MCOLN1: variants seen among roughly 807,000 people sequenced by gnomAD.
MCOLN1 encodes the protein mucolipin-1.
A neutral mutation model predicts 70.3 loss-of-function variants in MCOLN1; 50 were observed. The ratio of observed to expected loss-of-function variants is 0.71; its 90% CI spans 0.57 to 0.90. MCOLN1 has a LOEUF of 0.90. Ranked by LOEUF, MCOLN1 falls within the 40% of genes least tolerant of loss-of-function variation. The pLI, the probability that MCOLN1 is intolerant of heterozygous loss-of-function variation, is 0.00. For synonymous variants in MCOLN1, 366 were observed against 341.0 expected (o/e 1.07, Z -0.81); for missense variants, 598 against 803.5 (o/e 0.74, Z 3.09).
chr19:7,529,155 G>C lies in MCOLN1; in HGVS notation c.1189G>C (p.Val397Leu). The change falls in exon 10 of 14, where the codon GTG (valine) becomes CTG (leucine). Residue 397 changes from valine (V) to leucine (L), a missense_variant. Transcript: ENST00000264079. ...CCTCCTGGGCACCTCGACGCTGCTG[G>C]TGTGGGTGGGCGTGATCCGCTACCT... ...SILLGTSTLL[V>L]WVGVIRYLTF... 6.2e-7 allele frequency: 1 copy of C among 1,613,822 alleles called. No homozygotes were observed. The highest frequency in any genetic ancestry group is 8.5e-7 in the Non-Finnish European group (1 of 1,180,020).
chr19:7,522,625 C>T lies in MCOLN1; in HGVS notation c.-126C>T. 1 of 1,007,848 alleles carries T rather than the reference C, an allele frequency of 9.9e-7. No homozygotes were observed. Among genetic ancestry groups the T allele is most frequent in the Non-Finnish European group, 1.4e-6 (1 of 733,348 alleles). 62.4% of individuals were successfully genotyped at this position (1,007,848 alleles called of 1,614,324 possible). A position where few individuals can be genotyped will look rare whatever the true frequency, so the allele number is the denominator to read the frequency against. On this transcript the variant is annotated 5_prime_UTR_variant, in exon 1 of 14. Coordinates refer to ENST00000264079, the MANE Select transcript of MCOLN1 (RefSeq NM_020533.3). ...GCTACCGGGTCACGTGACCGAGGCA[C>T]AGATCAGCTGATGCCGGAGGGTTTG...
intron 11 of MCOLN1, among the ~76,000 whole-genome samples, 180 bp downstream of exon 11, chr19:7,529,892 G>A (rs567732195): frequency 1.3e-4 from 20 of 152,222 alleles, no homozygotes; most frequent in Admixed American, 7.9e-4. Context: ...ACCCTATTTC[G>A]ACCTGAATTA....
intron 10 of MCOLN1, 109 bp downstream of exon 10, chr19:7,529,311 C>G: frequency 3.8e-6 from 4 of 1,044,034 alleles, no homozygotes; most frequent in Non-Finnish European, 5.8e-6. Context: ...CCCTTGCAAG[C>G]CTCCTCCTCC....
intron 12 of MCOLN1, 147 bp from the exon 13 acceptor site, chr19:7,533,376 G>C: frequency 9.5e-7 from 1 of 1,056,534 alleles, no homozygotes. Flanking sequence ...CAAGCAAACT[G>C]TGGAACAACG....
Position 7,524,084 on chromosome 19 carries a change from G to C in MCOLN1, c.32-877G>C, listed in dbSNP as rs935933044. On this transcript the variant is annotated intron_variant, in intron 1 of 13. Transcript: ENST00000264079. The surrounding 1 kb of genome is among the most constrained non-coding windows in gnomAD (Gnocchi z 4.1). ...AGGTCTCGCTGTATTACCTAGGCTGGATCCTCCCACCTTGGCCTCCCAAAG... is the reference window on the plus strand; with the variant it reads ...AGGTCTCGCTGTATTACCTAGGCTGCATCCTCCCACCTTGGCCTCCCAAAG... 6.6e-6 allele frequency among the ~76,000 whole-genome samples: 1 copy of C among 151,984 alleles called. No homozygotes were observed. The highest frequency in any genetic ancestry group is 2.4e-5 in the African/African-American group (1 of 41,378).
intron 1 of MCOLN1, among the ~76,000 whole-genome samples, chr19:7,523,146 C>T (rs773189760): frequency 4.6e-5 from 7 of 152,234 alleles, no homozygotes; most frequent in Non-Finnish European, 8.8e-5. Flanking sequence ...GCACGTGAGA[C>T]TCCCAGGCTT....
Position 7,525,385 on chromosome 19 carries a change from T to G in MCOLN1, c.237+219T>G. On this transcript the variant is annotated intron_variant, in intron 2 of 13. Transcript: ENST00000264079. This position sits in a 1 kb window ranked among gnomAD's most constrained non-coding sequence, Gnocchi z 4.2. ...GGCGGGTGCCTGTAATCCCAGCTAC[T>G]TGGCAGGCTGAGGCAGGAGAATCGC... 1.9e-6 allele frequency: 1 copy of G among 513,302 alleles called. No homozygotes were observed. Among genetic ancestry groups the G allele is most frequent in the East Asian group, 3.9e-5 (1 of 25,884 alleles). 31.8% of individuals were successfully genotyped at this position (513,302 alleles called of 1,614,324 possible).
intron 10 of MCOLN1, 85 bp from the exon 11 acceptor site, chr19:7,529,505 C>CCCCCCCCCCCCCCCCCCCCA: frequency 1.3e-6 from 1 of 755,742 alleles, no homozygotes; most frequent in Non-Finnish European, 2.3e-6. Flanking sequence ...GGCAAGGCCC[C>CCCCCCCCCCCCCCCCCCCCA]GCCCCTCCCA....
rs2022719032 is a variant in MCOLN1, at chr19:7,533,976, A to G, written c.*181A>G. On this transcript the variant is annotated 3_prime_UTR_variant, in exon 14 of 14. Transcript: ENST00000264079. ...AGACTGGGTGGGGAGGGTGTTGAAT[A>G]AAAGGGAAAATAAATGTGTCGTTTT... The G allele has an allele frequency of 1.4e-6, 1 of 695,450 alleles. No homozygotes were observed. The highest frequency in any genetic ancestry group is 2.7e-5 in the East Asian group (1 of 37,002). The allele number at this position is 695,450 out of a possible 1,614,324, so 43.1% of individuals were successfully genotyped here. A position where few individuals can be genotyped will look rare whatever the true frequency, so the allele number is the denominator to read the frequency against.
In MCOLN1 at chr19:7,526,989, C is replaced by G. The variant is rs144203814; in HGVS notation, c.571+63C>G. On this transcript the variant is annotated intron_variant, in intron 4 of 13. Transcript: ENST00000264079. This position sits in a 1 kb window ranked among gnomAD's most constrained non-coding sequence, Gnocchi z 4.6. ...GAGCTGCTGGGATTAAAATCAACAGCTGTGGCTGGGCACGGTGGCTCACGC... is the reference window on the plus strand; with the variant it reads ...GAGCTGCTGGGATTAAAATCAACAGGTGTGGCTGGGCACGGTGGCTCACGC... 2.7e-5 allele frequency: 44 copies of G among 1,605,224 alleles called. No individual in the cohort carries two copies. Among genetic ancestry groups the G allele is most frequent in the Admixed American group, 5.0e-5 (3 of 60,006 alleles).
chr19:7,532,609 G>A (rs1381451412), intron 12 of MCOLN1, among the ~76,000 whole-genome samples: 2 of 152,210 alleles, frequency 1.3e-5, no homozygotes, highest in Non-Finnish European at 2.9e-5. Context: ...CAGCTACTCC[G>A]GAGGCTGAGG....
rs2022605732 is a variant in MCOLN1, at chr19:7,528,534, C to G, written c.878-63C>G. The stretch of plus-strand genomic sequence containing the variant: ...CCTAGGTCTCCAGCCTGGCCTGGCA[C>G]CAATGCTAGCCTCCCAAGGCTCCAT... On this transcript the variant is annotated intron_variant, in intron 7 of 13. Coordinates refer to ENST00000264079, the MANE Select transcript of MCOLN1 (RefSeq NM_020533.3). This position sits in a 1 kb window ranked among gnomAD's most constrained non-coding sequence, Gnocchi z 4.2. 1.9e-6 allele frequency: 3 copies of G among 1,606,328 alleles called. No homozygotes were observed. The highest frequency in any genetic ancestry group is 2.7e-5 in the African/African-American group (2 of 74,858).
rs1386018876 is a variant in MCOLN1, at chr19:7,526,798, C to G, written c.443C>G (p.Ala148Gly). The G allele has an allele frequency of 6.2e-7, 1 of 1,614,136 alleles. No individual in the cohort carries two copies. The highest frequency in any genetic ancestry group is 2.2e-5 in the East Asian group (1 of 44,872). The change falls in exon 4 of 14, where the codon GCG becomes GGG. Residue 148 changes from alanine to glycine, a missense_variant. By Grantham distance (60) the Ala-to-Gly change is moderately conservative. This residue lies in a region of MCOLN1 where 461 missense variants were observed against 588.4 expected (regional missense o/e 0.78). Transcript: ENST00000264079. This position sits in a 1 kb window ranked among gnomAD's most constrained non-coding sequence, Gnocchi z 4.6. ...CCTGACGTGTCACTGGGCCGGTATG[C>G]GTATGTCCGTGGTGGGGGTGACCCT... Reference protein sequence around the residue: ...ALPDVSLGRYAYVRGGGDPWT... With the variant: ...ALPDVSLGRYGYVRGGGDPWT...
chr19:7,533,557 T>C lies in MCOLN1; in HGVS notation c.1610T>C (p.Leu537Pro). The C allele has an allele frequency of 6.2e-7, 1 of 1,612,062 alleles. No homozygotes were observed. The highest frequency in any genetic ancestry group is 8.5e-7 in the Non-Finnish European group (1 of 1,179,934). ...PGGAGAEESE[L>P]QAYIAQCQDS... ...GGCGCAGGCGCAGAGGAGAGCGAGCTGCAGGCCTACATCGCACAGTGCCAG... is the reference window on the plus strand; with the variant it reads ...GGCGCAGGCGCAGAGGAGAGCGAGCCGCAGGCCTACATCGCACAGTGCCAG... Residue 537 changes from leucine to proline, a missense_variant, in exon 13 of 14, where the codon CTG becomes CCG. Physicochemically the swap from Leu to Pro is moderately conservative, Grantham distance 98. Coordinates refer to ENST00000264079, the MANE Select transcript of MCOLN1 (RefSeq NM_020533.3).
Position 7,522,628 on chromosome 19 carries a change from A to C in MCOLN1, c.-123A>C, listed in dbSNP as rs377513426. On this transcript the variant is annotated 5_prime_UTR_variant, in exon 1 of 14. Coordinates refer to ENST00000264079, the MANE Select transcript of MCOLN1 (RefSeq NM_020533.3). Reference sequence around the variant, plus strand: ...ACCGGGTCACGTGACCGAGGCACAGATCAGCTGATGCCGGAGGGTTTGAAG... The same window carrying C: ...ACCGGGTCACGTGACCGAGGCACAGCTCAGCTGATGCCGGAGGGTTTGAAG... 1.3e-4 allele frequency: 138 copies of C among 1,045,382 alleles called. No individual in the cohort carries two copies. The highest frequency in any genetic ancestry group is 6.5e-4 in the East Asian group (20 of 30,912). 64.8% of individuals were successfully genotyped at this position (1,045,382 alleles called of 1,614,324 possible).
intron 12 of MCOLN1, among the ~76,000 whole-genome samples, chr19:7,532,006 GCTGT>G (rs1457822744): frequency 1.3e-5 from 2 of 152,210 alleles, no homozygotes; most frequent in Non-Finnish European, 2.9e-5. Flanking sequence ...TCAACCCAGG[GCTGT>G]CTGATTCCAG....
intron 10 of MCOLN1, 50 bp downstream of exon 10, chr19:7,529,252 T>G: frequency 6.7e-7 from 1 of 1,497,766 alleles, no homozygotes; most frequent in Non-Finnish European, 9.2e-7. Context: ...CTCCACACCC[T>G]CCAAATAAAT....
At chr19:7,527,774 G>T (rs1203713447) in intron 5 of MCOLN1, 90 bp from the exon 6 acceptor site, 1 of 1,209,156 alleles carries the variant, frequency 8.3e-7, no homozygotes, top group Non-Finnish European at 1.2e-6. Flanking sequence ...CCTGCCAGCT[G>T]CAGAGTCAGC....
At position 7,528,902 on chromosome 19, in the gene MCOLN1, A is replaced by C. The variant is rs2022613006; in HGVS notation, c.1066A>C (p.Ile356Leu). The change falls in exon 9 of 14, where the codon ATC becomes CTC. Residue 356 changes from isoleucine (I) to leucine (L), a missense_variant. Physicochemically the swap from Ile to Leu is conservative, Grantham distance 5. Around this residue, in one of 3 missense-constraint regions of MCOLN1, gnomAD observed 461 missense variants for 588.4 expected, o/e 0.78. Transcript: ENST00000264079. The surrounding 1 kb of genome is among the most constrained non-coding windows in gnomAD (Gnocchi z 4.2). ...ERLEFVNGWY[I>L]LLVTSDVLTI... ...GCTGGAATTTGTCAATGGCTGGTAC[A>C]TCCTGCTCGTCACCAGCGATGTGCT... 1 of 1,614,022 alleles carries C rather than the reference A, an allele frequency of 6.2e-7. No homozygotes were observed. The highest frequency in any genetic ancestry group is 8.5e-7 in the Non-Finnish European group (1 of 1,180,028).
Sources: gnomAD v4.1 joint callset for allele counts (sites outside exome capture counted in the v4.1 genomes callset) on GRCh38, gnomAD v4.1.1 for gene constraint, gnomAD v4.1.1 regional missense constraint, Gnocchi (gnomAD v3.1) non-coding constraint, MANE v1.5 for transcripts, NCBI Gene and HGNC (gene_info 2026-07-23, HGNC 2026-07-21) for gene names.